FERMT2: variants seen among roughly 807,000 people sequenced by gnomAD.
FERMT2 encodes the protein FERM domain containing kindlin 2, also known as fermitin family homolog 2.
Under a neutral mutation model 82.7 loss-of-function variants are expected in FERMT2, and 15 were observed. That is an observed-to-expected ratio of 0.18 (90% CI 0.12 to 0.28). The LOEUF is 0.28. Ranked by LOEUF, FERMT2 falls within the 10% of genes least tolerant of loss-of-function variation. FERMT2 has a pLI of 1.00. For synonymous variants in FERMT2, 274 were observed against 271.5 expected, an observed-to-expected ratio of 1.01 and a Z score of -0.09; for missense variants, 645 against 809.4, an observed-to-expected ratio of 0.80 and a Z score of 2.46.
At chr14:52,879,024 T>C (rs1176071335) in intron 6 of FERMT2, among the ~76,000 whole-genome samples, 1 of 152,178 alleles carries the variant, frequency 6.6e-6, no homozygotes, top group Admixed American at 6.5e-5. Context: ...GAAATCTAAT[T>C]TGATGACATT....
intron 2 of FERMT2, among the ~76,000 whole-genome samples, chr14:52,940,471 CAAA>C (rs961261991): frequency 6.6e-6 from 1 of 152,080 alleles, no homozygotes; most frequent in Non-Finnish European, 1.5e-5. Flanking sequence ...ATAATATTCT[CAAA>C]GAAGGGAAAT....
chr14:52,950,831 C>T, intron 1 of FERMT2, 90 bp downstream of exon 1: 1 of 318,192 alleles, frequency 3.1e-6, no homozygotes, highest in Non-Finnish European at 5.7e-6. Flanking sequence ...GCTTCACCTG[C>T]CGGCCGGCCC....
At chr14:52,862,777 A>C (rs1381385205) in intron 12 of FERMT2, 3 of 152,252 alleles carry the variant, frequency 2.0e-5, no homozygotes, top group Non-Finnish European at 2.9e-5. Flanking sequence ...AGGCAAGGCC[A>C]GAAGGATCTT....
At position 52,885,312 on chromosome 14, in the gene FERMT2, C is replaced by CACAAA. The variant is rs1368863667; in HGVS notation, c.527-3844_527-3843insTTTGT. 2.8e-3 allele frequency among the ~76,000 whole-genome samples: 168 copies of CACAAA among 61,078 alleles called. 2 individuals are homozygous for CACAAA. Among genetic ancestry groups the CACAAA allele is most frequent in the African/African-American group, 0.01 (158 of 15,138 alleles). The allele number at this position is 61,078 out of a possible 152,430, so 40.1% of individuals were successfully genotyped here. A position where few individuals can be genotyped will look rare whatever the true frequency, so the allele number is the denominator to read the frequency against. The stretch of plus-strand genomic sequence containing the variant: ...TGGGTAACAGGGCGAGACTTAGTCT[C>CACAAA]AAAAAAAAAAAAAAAAAAAAAAAAA... On this transcript the variant is annotated intron_variant, in intron 4 of 14. Coordinates refer to ENST00000341590, the MANE Select transcript of FERMT2 (RefSeq NM_006832.3).
In FERMT2 at chr14:52,861,075, GA is replaced by G. The variant is rs763289720; in HGVS notation, c.1603-611del. 1,238 of 1,439,552 alleles carry G rather than the reference GA, an allele frequency of 8.6e-4. 3 individuals carry two copies. Among genetic ancestry groups the G allele is most frequent in the African/African-American group, 8.1e-3 (534 of 66,298 alleles). The allele number at this position is 1,439,552 out of a possible 1,614,324, so 89.2% of individuals were successfully genotyped here. The stretch of plus-strand genomic sequence containing the variant: ...CGAGGAAAGAAAAAGGAAGCAGAAA[GA>G]AAAAAAAAGGCAATCAGAAAAAATG... On this transcript the variant is annotated intron_variant, in intron 12 of 14. Coordinates refer to ENST00000341590, the MANE Select transcript of FERMT2 (RefSeq NM_006832.3).
chr14:52,880,999 T>TG (rs1172089845), intron 6 of FERMT2, 37 bp downstream of exon 6: 3 of 1,333,296 alleles, frequency 2.3e-6, no homozygotes, highest in South Asian at 1.3e-5. Context: ...AACAAATTAA[T>TG]GGGGAAAAAA....
At chr14:52,908,646 G>A (rs960041078) in intron 3 of FERMT2, among the ~76,000 whole-genome samples, 3 of 152,178 alleles carry the variant, frequency 2.0e-5, no homozygotes, top group African/African-American at 4.8e-5. Flanking sequence ...GGCAGAGGTC[G>A]GAAGGGTAAA....
At chr14:52,892,678 C>T (rs368265274) in intron 4 of FERMT2, among the ~76,000 whole-genome samples, 4 of 150,804 alleles carry the variant, frequency 2.7e-5, no homozygotes, top group East Asian at 2.0e-4. Flanking sequence ...AGGATGGTCT[C>T]GCTCTCTGAC....
intron 7 of FERMT2, 21 bp from the exon 8 acceptor site, chr14:52,875,378 TTAAAA>T (rs780747511): frequency 3.8e-5 from 57 of 1,506,602 alleles, no homozygotes; most frequent in Non-Finnish European, 4.8e-5. Context: ...AATTATTTTA[TTAAAA>T]TAATTGCTAT....
chr14:52,916,394 C>CA (rs1310040345), intron 3 of FERMT2, among the ~76,000 whole-genome samples: 5 of 149,676 alleles, frequency 3.3e-5, no homozygotes, highest in African/African-American at 7.4e-5. Flanking sequence ...TATCAAGCCA[C>CA]AAAAAAACAT....
At chr14:52,942,023 G>A (rs1296323057) in intron 2 of FERMT2, among the ~76,000 whole-genome samples, 1 of 152,010 alleles carries the variant, frequency 6.6e-6, no homozygotes, top group South Asian at 2.1e-4. Context: ...TGTTTAGAGG[G>A]TGGGAACAGA....
intron 10 of FERMT2, among the ~76,000 whole-genome samples, chr14:52,871,188 G>A (rs530661114): frequency 3.3e-5 from 5 of 152,252 alleles, no homozygotes; most frequent in African/African-American, 1.2e-4. Flanking sequence ...GCTCTATTCC[G>A]AATTTAAGTC....
At chr14:52,860,791 G>A in intron 12 of FERMT2, 1 of 581,322 alleles carries the variant, frequency 1.7e-6, no homozygotes, top group Non-Finnish European at 3.0e-6. Flanking sequence ...ACATATACAC[G>A]AGTTTTAATT....
At chr14:52,878,082 A>G (rs1886077526) in intron 7 of FERMT2, among the ~76,000 whole-genome samples, 1 of 152,178 alleles carries the variant, frequency 6.6e-6, no homozygotes, top group Non-Finnish European at 1.5e-5. Context: ...TTAGCTATCT[A>G]CTTAAGGATT....
chr14:52,862,056 A>G (rs185557764), intron 12 of FERMT2: 1 of 152,232 alleles, frequency 6.6e-6, no homozygotes, highest in Non-Finnish European at 1.5e-5. Context: ...CATGGTCGCT[A>G]TTCTCTGGAA....
intron 4 of FERMT2, among the ~76,000 whole-genome samples, chr14:52,890,751 C>T (rs1409268882): frequency 2.6e-5 from 4 of 151,698 alleles, no homozygotes; most frequent in Non-Finnish European, 5.9e-5. Flanking sequence ...TTACAGGTAC[C>T]CACCACCACG....
At chr14:52,897,385 A>AT (rs1306561025) in intron 3 of FERMT2, among the ~76,000 whole-genome samples, 2 of 152,160 alleles carry the variant, frequency 1.3e-5, no homozygotes, top group African/African-American at 4.8e-5. Flanking sequence ...ATGGAACAAG[A>AT]TGGATATATG....
rs572756685 is a variant in FERMT2, at chr14:52,938,996, A to G, written c.157+11416T>C. On this transcript the variant is annotated intron_variant, in intron 2 of 14. Transcript: ENST00000341590. ...TTTAATTCTTTATAGTATTACTAAT[A>G]ATGATGCAAAGTAGCACAATAAACT... Among the ~76,000 whole-genome samples the G allele has an allele frequency of 1.1e-3, 169 of 152,072 alleles. 1 individual carries two copies. The highest frequency in any genetic ancestry group is 2.0e-3 in the Non-Finnish European group (139 of 68,026).
Position 52,878,695 on chromosome 14 carries a change from A to G in FERMT2, c.856-6T>C, listed in dbSNP as rs1410671935. ...TTGATTCTGATTGCATCATACTGCA[A>G]CAAGAGAAATAGTTCTTTTGTAATA... On this transcript the variant is annotated splice_region_variant and splice_polypyrimidine_tract_variant and intron_variant, in intron 6 of 14. Transcript: ENST00000341590. 1.4e-6 allele frequency: 2 copies of G among 1,447,716 alleles called. No homozygotes were observed. Among genetic ancestry groups the G allele is most frequent in the East Asian group, 4.8e-5 (2 of 42,034 alleles). 89.7% of individuals were successfully genotyped at this position (1,447,716 alleles called of 1,614,324 possible). A position where few individuals can be genotyped will look rare whatever the true frequency, so the allele number is the denominator to read the frequency against.
Sources: gnomAD v4.1 joint callset for allele counts (sites outside exome capture counted in the v4.1 genomes callset) on GRCh38, gnomAD v4.1.1 for gene constraint, MANE v1.5 for transcripts, NCBI Gene and HGNC (gene_info 2026-07-23, HGNC 2026-07-21) for gene names.